ARHGEF28: variants seen among roughly 807,000 people sequenced by gnomAD.
ARHGEF28 encodes the protein 190 kDa guanine nucleotide exchange factor.
ARHGEF28 carries 152 observed loss-of-function variants against 206.6 expected under a neutral mutation model. The observed-to-expected ratio is 0.74, with a 90% CI of 0.64 to 0.84. ARHGEF28 has a LOEUF of 0.84. Ranked by LOEUF, ARHGEF28 falls within the 40% of genes least tolerant of loss-of-function variation. The pLI is 0.00. For synonymous variants in ARHGEF28, 763 were observed against 776.4 expected (o/e 0.98, Z 0.29); for missense variants, 2,028 against 2,073.2 (o/e 0.98, Z 0.42).
At chr5:73,763,795 A>G (rs1323286348) in intron 4 of ARHGEF28, among the ~76,000 whole-genome samples, 2 of 152,200 alleles carry the variant, frequency 1.3e-5, no homozygotes, top group East Asian at 1.9e-4. Flanking sequence ...CATAATTGCT[A>G]CTTACAACAC....
intron 35 of ARHGEF28, among the ~76,000 whole-genome samples, chr5:73,916,749 T>C (rs952056900): frequency 5.9e-5 from 9 of 152,190 alleles, no homozygotes; most frequent in African/African-American, 2.2e-4. Flanking sequence ...GACAAAATGA[T>C]GATTTTTCTC....
intron 1 of ARHGEF28, among the ~76,000 whole-genome samples, chr5:73,670,506 C>G (rs2112213013): frequency 6.6e-6 from 1 of 152,250 alleles, no homozygotes; most frequent in East Asian, 1.9e-4. Context: ...TTTTATTTCT[C>G]CAAGGAGAAA....
intron 22 of ARHGEF28, among the ~76,000 whole-genome samples, 163 bp from the exon 23 acceptor site, chr5:73,882,309 A>G (rs1368195048): frequency 6.6e-6 from 1 of 152,140 alleles, no homozygotes; most frequent in Non-Finnish European, 1.5e-5. Context: ...CTTTTATTTT[A>G]ATTTAAAAAA....
At chr5:73,727,270 C>T (rs1341936088) in intron 2 of ARHGEF28, among the ~76,000 whole-genome samples, 1 of 152,260 alleles carries the variant, frequency 6.6e-6, no homozygotes, top group African/African-American at 2.4e-5. Flanking sequence ...TATAAAGAAA[C>T]ATTTTAAAAG....
At chr5:73,806,718 G>A (rs1477801927) in intron 9 of ARHGEF28, among the ~76,000 whole-genome samples, 1 of 137,380 alleles carries the variant, frequency 7.3e-6, no homozygotes, top group African/African-American at 2.7e-5. Context: ...CCATATATAC[G>A]ATATATCGTA....
chr5:73,685,919 C>G (rs1314168862), intron 2 of ARHGEF28, among the ~76,000 whole-genome samples: 2 of 152,208 alleles, frequency 1.3e-5, no homozygotes, highest in African/African-American at 4.8e-5. Context: ...CCACACCCGG[C>G]TGGAATTGGA....
chr5:73,741,419 A>AC (rs1751421732), intron 2 of ARHGEF28, among the ~76,000 whole-genome samples: 1 of 37,414 alleles, frequency 2.7e-5, no homozygotes, highest in Non-Finnish European at 5.3e-5. Context: ...ATATATATAT[A>AC]TATATATATA....
chr5:73,882,671 A>G lies in ARHGEF28; in HGVS notation c.2937+77A>G, dbSNP rs530290685. 1,444 of 1,302,870 alleles carry G rather than the reference A, an allele frequency of 1.1e-3. 3 individuals carry two copies. Among genetic ancestry groups the G allele is most frequent in the Non-Finnish European group, 1.4e-3 (1,351 of 977,874 alleles). 80.7% of individuals were successfully genotyped at this position (1,302,870 alleles called of 1,614,324 possible). On this transcript the variant is annotated intron_variant, in intron 23 of 35. Coordinates refer to ENST00000513042, the MANE Select transcript of ARHGEF28 (RefSeq NM_001177693.2). ...GTTTATGCTTGTTTCTTAATGATTT[A>G]AACAAATTTCTTAGCTAATGATGCT...
chr5:73,940,179 T>C (rs923004119), intron 35 of ARHGEF28, among the ~76,000 whole-genome samples: 10 of 152,124 alleles, frequency 6.6e-5, no homozygotes, highest in African/African-American at 2.4e-4. Flanking sequence ...AATATAATAT[T>C]AGAGGATTTT....
intron 33 of ARHGEF28, among the ~76,000 whole-genome samples, chr5:73,908,196 T>G (rs973771640): frequency 1.3e-5 from 2 of 152,194 alleles, no homozygotes; most frequent in Admixed American, 1.3e-4. Context: ...TTTAAAAATA[T>G]GAATTTTTGT....
intron 14 of ARHGEF28, among the ~76,000 whole-genome samples, chr5:73,854,852 AAAC>A (rs138860206): frequency 0.13 from 19,329 of 151,742 alleles, 1,690 homozygotes; most frequent in African/African-American, 0.23. Context: ...AAAAACCCAA[AAAC>A]AACAACAACA....
At chr5:73,757,037 G>A (rs1004058411) in intron 4 of ARHGEF28, among the ~76,000 whole-genome samples, 25 of 152,158 alleles carry the variant, frequency 1.6e-4, no homozygotes, top group African/African-American at 5.6e-4. Context: ...ATTTGGTGGG[G>A]TTCCACTAAT....
At chr5:73,807,438 A>G (rs1482748390) in intron 9 of ARHGEF28, among the ~76,000 whole-genome samples, 2 of 151,542 alleles carry the variant, frequency 1.3e-5, no homozygotes, top group Non-Finnish European at 2.9e-5. Flanking sequence ...TAGGTAGAAC[A>G]TATCTGTAGC....
intron 2 of ARHGEF28, among the ~76,000 whole-genome samples, chr5:73,710,568 T>A (rs905739734): frequency 5.3e-5 from 8 of 152,240 alleles, no homozygotes; most frequent in African/African-American, 1.9e-4. Flanking sequence ...AGTCTATCAA[T>A]TTTTCTTTTT....
chr5:73,890,593 A>G (rs1761564861), intron 26 of ARHGEF28, among the ~76,000 whole-genome samples: 1 of 152,136 alleles, frequency 6.6e-6, no homozygotes, highest in Non-Finnish European at 1.5e-5. Flanking sequence ...TTTTACTCTC[A>G]TGCTACTCTG....
chr5:73,752,823 G>A, intron 3 of ARHGEF28, 86 bp from the exon 4 acceptor site: 1 of 1,474,870 alleles, frequency 6.8e-7, no homozygotes. Context: ...GTCTGCTTAA[G>A]CTATGTGGTG....
At chr5:73,676,620 G>A (rs1746708551) in intron 1 of ARHGEF28, among the ~76,000 whole-genome samples, 1 of 152,150 alleles carries the variant, frequency 6.6e-6, no homozygotes, top group African/African-American at 2.4e-5. Flanking sequence ...TCTCAAGGAG[G>A]GGGAAGGTGC....
intron 1 of ARHGEF28, 126 bp from the exon 2 acceptor site, chr5:73,684,715 T>C (rs1747335514): frequency 1.6e-6 from 1 of 618,182 alleles, no homozygotes; most frequent in Non-Finnish European, 2.7e-6. Context: ...TCATATTTTG[T>C]CTCTGCAGTT....
intron 2 of ARHGEF28, among the ~76,000 whole-genome samples, chr5:73,720,318 C>T (rs188833266): frequency 6.6e-5 from 10 of 152,064 alleles, no homozygotes; most frequent in African/African-American, 2.2e-4. Context: ...GAATGAATGA[C>T]AGAACCTTGG....
Sources: allele counts gnomAD v4.1 joint callset (sites outside exome capture counted in the v4.1 genomes callset), GRCh38; gene constraint gnomAD v4.1.1; transcripts MANE v1.5; gene names NCBI Gene and HGNC (gene_info 2026-07-23, HGNC 2026-07-21).